CTNNA2: variants seen among roughly 807,000 people sequenced by gnomAD.
CTNNA2 encodes catenin alpha-2.
Under a neutral mutation model 101.0 loss-of-function variants are expected in CTNNA2, and 42 were observed. That is an observed-to-expected ratio of 0.42 (90% confidence interval 0.32 to 0.54). CTNNA2 has a LOEUF of 0.54. Among genes scored for constraint, CTNNA2 ranks in the 20% least tolerant of loss-of-function variants. The pLI, the probability that CTNNA2 is intolerant of heterozygous loss-of-function variation, is 0.14. For missense variants in CTNNA2, 871 were observed against 1,223.1 expected (o/e 0.71, Z 4.29); for synonymous variants, 450 against 456.4 (o/e 0.99, Z 0.18).
At chr2:80,380,101 A>G (rs1676365710) in intron 7 of CTNNA2, among the ~76,000 whole-genome samples, 2 of 135,398 alleles carry the variant, frequency 1.5e-5, no homozygotes, top group Non-Finnish European at 1.5e-5. Flanking sequence ...CAGTGGCACG[A>G]TCTCGGCTCA....
intron 7 of CTNNA2, among the ~76,000 whole-genome samples, chr2:79,935,349 TCTC>T (rs1406203636): frequency 2.2e-5 from 3 of 134,090 alleles, no homozygotes; most frequent in Non-Finnish European, 1.6e-5. Flanking sequence ...TTTCTCTCTC[TCTC>T]TTTTTTTTTT....
intron 3 of CTNNA2, among the ~76,000 whole-genome samples, chr2:79,800,591 A>G (rs2063436): frequency 0.45 from 68,463 of 151,882 alleles, 19,667 homozygotes; most frequent in African/African-American, 0.8. Flanking sequence ...AGAGGAGCCC[A>G]CCAGCAACAG....
intron 2 of CTNNA2, among the ~76,000 whole-genome samples, chr2:79,272,298 A>C (rs1228573199): frequency 6.6e-6 from 1 of 152,060 alleles, no homozygotes; most frequent in East Asian, 1.9e-4. Context: ...CTTCCTGAAA[A>C]TTCTTGATGA....
intron 6 of CTNNA2, among the ~76,000 whole-genome samples, chr2:79,900,289 C>A (rs905393613): frequency 3.3e-5 from 5 of 152,052 alleles, no homozygotes; most frequent in Non-Finnish European, 7.4e-5. Context: ...GGATAGCAAA[C>A]TTTTTTCTTT....
At chr2:79,304,885 TG>T (rs1558616463) in intron 2 of CTNNA2, among the ~76,000 whole-genome samples, 1 of 152,196 alleles carries the variant, frequency 6.6e-6, no homozygotes, top group Admixed American at 6.5e-5. Flanking sequence ...ACTAAAGTAG[TG>T]GGTTTTATTG....
intron 7 of CTNNA2, among the ~76,000 whole-genome samples, chr2:80,075,441 G>T (rs186007910): frequency 6.6e-6 from 1 of 151,510 alleles, no homozygotes; most frequent in Non-Finnish European, 1.5e-5. Flanking sequence ...TGATAATAGC[G>T]TCTACCTCCT....
At chr2:80,467,943 A>G (rs1398469313) in intron 9 of CTNNA2, among the ~76,000 whole-genome samples, 1 of 152,166 alleles carries the variant, frequency 6.6e-6, no homozygotes, top group Non-Finnish European at 1.5e-5. Context: ...AAATTACCCT[A>G]TAGTGTTTGG....
chr2:79,318,464 T>C (rs1023813081), intron 3 of CTNNA2, among the ~76,000 whole-genome samples: 1 of 152,196 alleles, frequency 6.6e-6, no homozygotes, highest in African/African-American at 2.4e-5. Context: ...CAGTTCACTT[T>C]GAATTAAGAA....
chr2:80,547,261 T>C (rs1389873951), intron 11 of CTNNA2, among the ~76,000 whole-genome samples: 1 of 152,180 alleles, frequency 6.6e-6, no homozygotes, highest in Non-Finnish European at 1.5e-5. Flanking sequence ...GATGGGAACA[T>C]TGATGTAACA....
chr2:80,140,762 G>T (rs1022797283), intron 7 of CTNNA2, among the ~76,000 whole-genome samples: 2 of 152,082 alleles, frequency 1.3e-5, no homozygotes, highest in African/African-American at 4.8e-5. Flanking sequence ...AAATTTCTTT[G>T]CTTCCACTTA....
At chr2:80,530,136 T>C (rs1489753067) in intron 9 of CTNNA2, among the ~76,000 whole-genome samples, 1 of 152,100 alleles carries the variant, frequency 6.6e-6, no homozygotes, top group Non-Finnish European at 1.5e-5. Context: ...CAGCAGTGGT[T>C]ACTCGAAGGT....
intron 9 of CTNNA2, among the ~76,000 whole-genome samples, chr2:80,461,929 G>A (rs1231600692): frequency 6.6e-6 from 1 of 152,204 alleles, no homozygotes; most frequent in African/African-American, 2.4e-5. Flanking sequence ...GTCAGCAAGG[G>A]CAGGTTGAGT....
intron 4 of CTNNA2, among the ~76,000 whole-genome samples, chr2:79,397,322 A>G (rs1395151808): frequency 6.6e-6 from 1 of 152,108 alleles, no homozygotes; most frequent in East Asian, 1.9e-4. Context: ...TATTTCTTCT[A>G]TCTAACTGTA....
At chr2:80,241,144 G>A (rs574882007) in intron 7 of CTNNA2, among the ~76,000 whole-genome samples, 52 of 152,002 alleles carry the variant, frequency 3.4e-4, no homozygotes, top group African/African-American at 1.2e-3. Context: ...AGTTGTAAAA[G>A]TATCCCATCT....
intron 7 of CTNNA2, among the ~76,000 whole-genome samples, chr2:79,990,269 T>C (rs1255138485): frequency 3.3e-5 from 5 of 152,104 alleles, no homozygotes; most frequent in Admixed American, 3.3e-4. Context: ...CCCTTAGAAC[T>C]CCCTGTGTCC....
At chr2:80,187,363 T>C (rs1317487114) in intron 7 of CTNNA2, among the ~76,000 whole-genome samples, 1 of 152,202 alleles carries the variant, frequency 6.6e-6, no homozygotes, top group Non-Finnish European at 1.5e-5. Flanking sequence ...TGAAAAATAG[T>C]ACACAGTAGA....
At chr2:80,223,932 G>A (rs1389842241) in intron 7 of CTNNA2, among the ~76,000 whole-genome samples, 1 of 152,190 alleles carries the variant, frequency 6.6e-6, no homozygotes, top group African/African-American at 2.4e-5. Context: ...TGCATTACGG[G>A]TAGTAAAGCT....
chr2:80,196,025 A>G (rs1706808514), intron 7 of CTNNA2, among the ~76,000 whole-genome samples: 1 of 152,342 alleles, frequency 6.6e-6, no homozygotes, highest in Admixed American at 6.5e-5. Flanking sequence ...ATACCATTAT[A>G]TTAAAAATAG....
chr2:79,232,426 T>G (rs1203623871), intron 2 of CTNNA2, among the ~76,000 whole-genome samples: 1 of 152,192 alleles, frequency 6.6e-6, no homozygotes, highest in Non-Finnish European at 1.5e-5. Flanking sequence ...CCACTGTGAA[T>G]TAACCTTTTC....
Sources: allele counts gnomAD v4.1 joint callset (sites outside exome capture counted in the v4.1 genomes callset), GRCh38; gene constraint gnomAD v4.1.1; transcripts MANE v1.5; gene names NCBI Gene and HGNC (gene_info 2026-07-23, HGNC 2026-07-21).